The following TM7SF2 variants were observed in gnomAD, a reference collection of about 807,000 sequenced individuals.
TM7SF2 encodes delta(14)-sterol reductase TM7SF2.
TM7SF2 carries 51 observed loss-of-function variants against 51.0 expected under a neutral mutation model. The ratio of observed to expected loss-of-function variants is 1.00; its 90% CI spans 0.80 to 1.26. The LOEUF is 1.26. TM7SF2 is among the 50% of genes most tolerant of loss of function. The pLI is 0.00. For missense variants in TM7SF2, 541 were observed against 547.4 expected, an observed-to-expected ratio of 0.99 and a Z score of 0.12; for synonymous variants, 255 against 241.0, an observed-to-expected ratio of 1.06 and a Z score of -0.54.
intron 3 of TM7SF2, 136 bp downstream of exon 3, chr11:65,113,001 G>C: frequency 8.5e-7 from 1 of 1,171,180 alleles, no homozygotes; most frequent in Non-Finnish European, 1.2e-6. Context: ...GACAGACGCC[G>C]GGGGCTCTCC....
intron 1 of TM7SF2, 123 bp downstream of exon 1, chr11:65,112,190 A>G: frequency 9.8e-7 from 1 of 1,023,380 alleles, no homozygotes; most frequent in Non-Finnish European, 1.4e-6. Flanking sequence ...AGGCAGAGGG[A>G]CCCGGGGGTT....
chr11:65,112,333 G>A, intron 1 of TM7SF2, 182 bp from the exon 2 acceptor site: 1 of 736,166 alleles, frequency 1.4e-6, no homozygotes, highest in South Asian at 1.9e-5. Context: ...GACTAAGATG[G>A]ACGCCTGGGA....
intron 2 of TM7SF2, 49 bp downstream of exon 2, chr11:65,112,760 G>T: frequency 2.6e-6 from 4 of 1,549,506 alleles, no homozygotes; most frequent in Non-Finnish European, 3.5e-6. Context: ...GAATGGGCTC[G>T]GCGAGGGAAA....
intron 1 of TM7SF2, 148 bp from the exon 2 acceptor site, chr11:65,112,367 G>C (rs374048048): frequency 3.2e-5 from 29 of 919,470 alleles, no homozygotes; most frequent in Admixed American, 1.0e-4. Flanking sequence ...GCAGCGGGGT[G>C]CCTGGGGGCC....
chr11:65,114,781 G>A lies in TM7SF2; in HGVS notation c.672G>A (p.Trp224Ter), dbSNP rs374920822. 4.3e-5 allele frequency: 69 copies of A among 1,614,152 alleles called. No individual in the cohort carries two copies. The highest frequency in any genetic ancestry group is 5.8e-5 in the Non-Finnish European group (69 of 1,180,044). ...ELRGSPSLAM[W>*]LVNGFQLLYV... ...GAGGCAGTCCCTCACTGGCCATGTG[G>A]CTGGTCAATGGCTTCCAGTTGCTCT... The change falls in exon 6 of 10, where the codon TGG (tryptophan) becomes TGA (stop). Residue 224 changes from tryptophan (W) to a stop codon, truncating the protein, a stop_gained. Transcript: ENST00000279263. LOFTEE classifies it high-confidence loss of function.
rs1403283215 is a variant in TM7SF2 at position 65,115,931 on chromosome 11, T to C, written c.1135T>C (p.Phe379Leu). Residue 379 changes from phenylalanine to leucine, a missense_variant, in exon 10 of 10, where the codon TTC (phenylalanine) becomes CTC (leucine). Transcript: ENST00000279263. ...GCTGCCCTACTTCTACCTCCTCTAC[T>C]TCACCGCGCTGCTGGTGCACCGTGA... ...HLLPYFYLLY[F>L]TALLVHREAR... 2 of 1,613,934 alleles carry C rather than the reference T, an allele frequency of 1.2e-6. No individual in the cohort carries two copies. Among genetic ancestry groups the C allele is most frequent in the African/African-American group, 1.3e-5 (1 of 74,926 alleles).
At chr11:65,115,662 G>A in intron 9 of TM7SF2, 64 bp downstream of exon 9, 3 of 1,611,686 alleles carry the variant, frequency 1.9e-6, no homozygotes, top group Non-Finnish European at 8.5e-7. Context: ...AGCGACCACA[G>A]GATGCCTACT....
rs747710223 is a variant in TM7SF2 at position 65,115,382 on chromosome 11, C to T, written c.961C>T (p.Pro321Ser). The change falls in exon 8 of 10, where the codon CCC becomes TCC. Residue 321 changes from proline (P) to serine (S), a missense_variant. Physicochemically the swap from Pro to Ser is moderately conservative, Grantham distance 74. Coordinates refer to ENST00000279263, the MANE Select transcript of TM7SF2 (RefSeq NM_003273.6). ...KNTFRKNPSDPRVAGLETIST... is the reference protein window; with the variant it reads ...KNTFRKNPSDSRVAGLETIST... ...CACTTTCCGAAAGAATCCTTCTGAC[C>T]CCAGAGTGGCTGGTGAGCTGGTTCT... The T allele has an allele frequency of 1.1e-5, 17 of 1,614,062 alleles. No individual in the cohort carries two copies. In the Admixed American group the frequency reaches 2.8e-4, roughly 27 times the overall value.
Position 65,115,378 on chromosome 11 carries a change from T to A in TM7SF2, c.957T>A (p.Ser319=). The A allele has an allele frequency of 6.2e-7, 1 of 1,614,228 alleles. No individual in the cohort carries two copies. Among genetic ancestry groups the A allele is most frequent in the Non-Finnish European group, 8.5e-7 (1 of 1,180,034 alleles). ...SQKNTFRKNP[S]DPRVAGLETI... ...AAAACACTTTCCGAAAGAATCCTTC[T>A]GACCCCAGAGTGGCTGGTGAGCTGG... The change falls in exon 8 of 10, where the codon TCT becomes TCA. Residue 319 remains serine, a synonymous_variant. Transcript: ENST00000279263.
intron 9 of TM7SF2, 96 bp from the exon 10 acceptor site, chr11:65,115,797 G>GC: frequency 6.3e-7 from 1 of 1,599,734 alleles, no homozygotes; most frequent in African/African-American, 1.3e-5. Context: ...TTGCTGCTGA[G>GC]CCCCGATGCC....
chr11:65,113,863 C>T (rs1947944187), intron 5 of TM7SF2: 2 of 496,396 alleles, frequency 4.0e-6, no homozygotes, highest in Admixed American at 3.5e-5. Flanking sequence ...TCAGGGATGA[C>T]GTTAGGAGAG....
At chr11:65,112,443 G>A in intron 1 of TM7SF2, 72 bp from the exon 2 acceptor site, 1 of 1,422,428 alleles carries the variant, frequency 7.0e-7, no homozygotes, top group South Asian at 1.4e-5. Context: ...AGAGACGTCA[G>A]GGCGCCCGTG....
chr11:65,115,984 G>T lies in TM7SF2; in HGVS notation c.1188G>T (p.Gln396His). 1.2e-6 allele frequency: 2 copies of T among 1,613,496 alleles called. No homozygotes were observed. The highest frequency in any genetic ancestry group is 1.7e-6 in the Non-Finnish European group (2 of 1,180,010). Residue 396 changes from glutamine (Q) to histidine (H), a missense_variant, in exon 10 of 10, where the codon CAG becomes CAT. Transcript: ENST00000279263. ...REARDERQCLQKYGLAWQEYC... is the reference protein window; with the variant it reads ...REARDERQCLHKYGLAWQEYC... ...CCCGGGATGAGCGGCAGTGCCTGCA[G>T]AAGTACGGCCTGGCCTGGCAGGAGT...
intron 5 of TM7SF2, 167 bp downstream of exon 5, chr11:65,113,761 ATAAAGT>A (rs1947942815): frequency 3.1e-6 from 2 of 651,080 alleles, no homozygotes; most frequent in East Asian, 5.4e-5. Flanking sequence ...GGAGACAAAA[ATAAAGT>A]TAGAGGCAAA....
chr11:65,114,840 T>C lies in TM7SF2; in HGVS notation c.723+8T>C. On this transcript the variant is annotated splice_region_variant and intron_variant, in intron 6 of 9. Coordinates refer to ENST00000279263, the MANE Select transcript of TM7SF2 (RefSeq NM_003273.6). Reference sequence around the variant, plus strand: ...GATGCCCTCTGGCACGAGGTGAGGCTGGACTGGACGAGGGTGGGTGTCTGA... The same window carrying C: ...GATGCCCTCTGGCACGAGGTGAGGCCGGACTGGACGAGGGTGGGTGTCTGA... 1.9e-6 allele frequency: 3 copies of C among 1,614,232 alleles called. No individual in the cohort carries two copies. Among genetic ancestry groups the C allele is most frequent in the African/African-American group, 1.3e-5 (1 of 75,062 alleles).
chr11:65,111,949 A>G lies in TM7SF2; in HGVS notation c.-67A>G. 4.6e-6 allele frequency: 7 copies of G among 1,514,792 alleles called. No individual in the cohort carries two copies. Among genetic ancestry groups the G allele is most frequent in the Non-Finnish European group, 6.3e-6 (7 of 1,113,522 alleles). The allele number at this position is 1,514,792 out of a possible 1,614,324, so 93.8% of individuals were successfully genotyped here. Reference sequence around the variant, plus strand: ...CGCGGCCGAGTCCATCTCCTGGGAAATGGGGCGGACAGTGTTTCCTTGACT... The same window carrying G: ...CGCGGCCGAGTCCATCTCCTGGGAAGTGGGGCGGACAGTGTTTCCTTGACT... On this transcript the variant is annotated 5_prime_UTR_variant, in exon 1 of 10. The change abolishes an upstream ATG in the 5' untranslated region. Coordinates refer to ENST00000279263, the MANE Select transcript of TM7SF2 (RefSeq NM_003273.6).
chr11:65,112,418 C>A, intron 1 of TM7SF2, 97 bp from the exon 2 acceptor site: 3 of 1,318,220 alleles, frequency 2.3e-6, no homozygotes, highest in South Asian at 3.1e-5. Context: ...TCTGGGAATG[C>A]CGAGAGGGTC....
rs1301336336 is a variant in TM7SF2 at position 65,112,070 on chromosome 11, A to G, written c.52+3A>G. 5 of 1,596,682 alleles carry G rather than the reference A, an allele frequency of 3.1e-6. No homozygotes were observed. Among genetic ancestry groups the G allele is most frequent in the Non-Finnish European group, 4.3e-6 (5 of 1,173,642 alleles). On this transcript the variant is annotated splice_donor_region_variant and intron_variant, in intron 1 of 9. Transcript: ENST00000279263. ...GCTGGAATTCGGAGGGCCCCTGGGT[A>G]ATGGGGCAGAGAGATGGGACCTGGG...
At chr11:65,115,720 G>T in intron 9 of TM7SF2, 122 bp downstream of exon 9, 5 of 1,586,100 alleles carry the variant, frequency 3.2e-6, no homozygotes, top group Non-Finnish European at 4.3e-6. Flanking sequence ...GGTGGACCCA[G>T]TGTGTGGCTG....
Sources: gnomAD v4.1 joint callset for allele counts on GRCh38, gnomAD v4.1.1 for gene constraint, MANE v1.5 for transcripts, NCBI Gene and HGNC (gene_info 2026-07-23, HGNC 2026-07-21) for gene names.